Variants in TECRL observed in about 807,000 individuals in gnomAD.
TECRL encodes the protein trans-2,3-enoyl-CoA reductase-like.
A neutral mutation model predicts 52.8 loss-of-function variants in TECRL; 63 were observed. The ratio of observed to expected loss-of-function variants is 1.19; its 90% CI spans 0.97 to 1.47. The LOEUF is 1.47. Among genes scored for constraint, TECRL ranks in the 40% most tolerant of loss-of-function variants. TECRL has a pLI of 0.00. For synonymous variants in TECRL, 164 were observed against 141.9 expected, an observed-to-expected ratio of 1.16 and a Z score of -1.10; for missense variants, 482 against 429.6, an observed-to-expected ratio of 1.12 and a Z score of -1.08.
intron 2 of TECRL, among the ~76,000 whole-genome samples, chr4:64,364,189 AT>A (rs1169598640): frequency 4.6e-5 from 7 of 151,848 alleles, no homozygotes; most frequent in Admixed American, 6.6e-5. Context: ...TAGGGCAGAA[AT>A]TTAAAAAAAA....
intron 7 of TECRL, among the ~76,000 whole-genome samples, chr4:64,301,529 A>G (rs1724018725): frequency 2.0e-5 from 3 of 151,178 alleles, no homozygotes; most frequent in Admixed American, 2.0e-4. Flanking sequence ...GTCAATCTTA[A>G]TTGAACTTAT....
intron 1 of TECRL, among the ~76,000 whole-genome samples, chr4:64,385,044 T>A (rs531886040): frequency 1.3e-5 from 2 of 152,230 alleles, no homozygotes; most frequent in East Asian, 3.9e-4. Flanking sequence ...GTGGGGTGGA[T>A]CTGCTGTCAG....
intron 4 of TECRL, among the ~76,000 whole-genome samples, 180 bp from the exon 5 acceptor site, chr4:64,314,943 T>C (rs1717384856): frequency 6.6e-6 from 1 of 152,156 alleles, no homozygotes; most frequent in Non-Finnish European, 1.5e-5. Context: ...AAGCCTAATA[T>C]ATGTATAGTT....
At chr4:64,346,707 C>T (rs1720013751) in intron 2 of TECRL, among the ~76,000 whole-genome samples, 1 of 152,220 alleles carries the variant, frequency 6.6e-6, no homozygotes, top group Non-Finnish European at 1.5e-5. Flanking sequence ...GAAGCTGCTG[C>T]TGTGAAGGTC....
chr4:64,302,641 G>A (rs1724088493), intron 7 of TECRL, among the ~76,000 whole-genome samples: 2 of 151,260 alleles, frequency 1.3e-5, no homozygotes, highest in African/African-American at 4.8e-5. Context: ...TTGTAAGCAT[G>A]CATAATTTAA....
At chr4:64,318,748 A>G (rs1276837872) in intron 4 of TECRL, among the ~76,000 whole-genome samples, 3 of 152,042 alleles carry the variant, frequency 2.0e-5, no homozygotes, top group Non-Finnish European at 4.4e-5. Flanking sequence ...AAAAGTTAAT[A>G]AGGACATGTT....
intron 8 of TECRL, among the ~76,000 whole-genome samples, chr4:64,295,659 CAGG>C (rs937635094): frequency 2.0e-5 from 3 of 151,838 alleles, no homozygotes; most frequent in South Asian, 2.1e-4. Context: ...GATTTTTTCA[CAGG>C]AGTTCTTTTT....
intron 2 of TECRL, among the ~76,000 whole-genome samples, chr4:64,340,609 T>C (rs565427854): frequency 6.6e-6 from 1 of 152,222 alleles, no homozygotes; most frequent in Admixed American, 6.5e-5. Context: ...GCCATAGGGG[T>C]ACTAAGGGCA....
chr4:64,364,849 C>T (rs1721481457), intron 2 of TECRL, among the ~76,000 whole-genome samples: 2 of 89,784 alleles, frequency 2.2e-5, no homozygotes, highest in African/African-American at 6.9e-5. Flanking sequence ...GGCACCAGTG[C>T]TACTAAAACT....
chr4:64,407,690 T>C (rs1385438204), intron 1 of TECRL, among the ~76,000 whole-genome samples: 1 of 151,814 alleles, frequency 6.6e-6, no homozygotes, highest in African/African-American at 2.4e-5. Flanking sequence ...TGTCCTTGAA[T>C]TTAACTGTGT....
intron 9 of TECRL, among the ~76,000 whole-genome samples, chr4:64,288,511 T>G (rs1417870752): frequency 2.0e-5 from 3 of 152,130 alleles, no homozygotes; most frequent in African/African-American, 7.2e-5. Context: ...TAAAAGTCAT[T>G]TTGAAGTGTT....
chr4:64,325,442 G>C lies in TECRL; in HGVS notation c.332-2650C>G, dbSNP rs1260295953. Reference sequence around the variant, plus strand: ...CTTTTTGTCAAGAGTCTTCACATGAGAATTCAGTTCAGTCAACACTCTGAT... The same window carrying C: ...CTTTTTGTCAAGAGTCTTCACATGACAATTCAGTTCAGTCAACACTCTGAT... On this transcript the variant is annotated intron_variant, in intron 3 of 11. Coordinates refer to ENST00000381210, the MANE Select transcript of TECRL (RefSeq NM_001010874.5). Among the ~76,000 whole-genome samples the C allele has an allele frequency of 7.2e-5, 11 of 152,188 alleles. No homozygotes were observed. The South Asian group carries it at 2.1e-3, about 29-fold the overall frequency.
At chr4:64,314,818 C>A in intron 4 of TECRL, 55 bp from the exon 5 acceptor site, 1 of 1,289,174 alleles carries the variant, frequency 7.8e-7, no homozygotes, top group South Asian at 1.2e-5. Flanking sequence ...TTTTAAGGTT[C>A]ATTTGTGTCT....
At chr4:64,302,230 T>A (rs963144805) in intron 7 of TECRL, among the ~76,000 whole-genome samples, 1 of 151,444 alleles carries the variant, frequency 6.6e-6, no homozygotes, top group Non-Finnish European at 1.5e-5. Context: ...ACATGCTGTT[T>A]TTCAATTAAG....
chr4:64,315,445 T>G (rs895844293), intron 4 of TECRL, among the ~76,000 whole-genome samples: 1 of 152,108 alleles, frequency 6.6e-6, no homozygotes, highest in African/African-American at 2.4e-5. Flanking sequence ...CTAAATTTGA[T>G]AGCTGTTTGA....
intron 3 of TECRL, among the ~76,000 whole-genome samples, chr4:64,327,705 A>G (rs1482022499): frequency 6.6e-6 from 1 of 152,044 alleles, no homozygotes; most frequent in Non-Finnish European, 1.5e-5. Context: ...GACAGCAATG[A>G]AAACACTCGT....
rs573706797 is a variant in TECRL at position 64,339,947 on chromosome 4, G to A, written c.287-11391C>T. On this transcript the variant is annotated intron_variant, in intron 2 of 11. Coordinates refer to ENST00000381210, the MANE Select transcript of TECRL (RefSeq NM_001010874.5). ...CATAACAAATCACAACCTGAGGAAC[G>A]TACCTACTTTACTTTGCCCTCTTCT... Among the ~76,000 whole-genome samples the A allele has an allele frequency of 2.0e-5, 3 of 152,150 alleles. No homozygotes were observed. In the South Asian group the frequency reaches 6.2e-4, roughly 31 times the overall value.
chr4:64,357,136 T>C (rs1193136414), intron 2 of TECRL, among the ~76,000 whole-genome samples: 2 of 152,150 alleles, frequency 1.3e-5, no homozygotes, highest in Non-Finnish European at 2.9e-5. Flanking sequence ...TCCTATGCGT[T>C]AAATGATACT....
At chr4:64,299,364 C>T (rs983961220) in intron 8 of TECRL, 2 of 150,848 alleles carry the variant, frequency 1.3e-5, no homozygotes, top group East Asian at 1.9e-4. Flanking sequence ...GAAAGGAGAA[C>T]ATGAACACAG....
Sources: gnomAD v4.1 joint callset for allele counts (sites outside exome capture counted in the v4.1 genomes callset) on GRCh38, gnomAD v4.1.1 for gene constraint, MANE v1.5 for transcripts, NCBI Gene and HGNC (gene_info 2026-07-23, HGNC 2026-07-21) for gene names.